GRIK1: variants seen among roughly 807,000 people sequenced by gnomAD.
GRIK1 encodes glutamate receptor ionotropic, kainate 1.
Under a neutral mutation model 105.7 loss-of-function variants are expected in GRIK1, and 69 were observed. That is an observed-to-expected ratio of 0.65 (90% confidence interval 0.54 to 0.80). GRIK1 has a LOEUF of 0.80. GRIK1 is among the 30% of genes least tolerant of loss of function. GRIK1 has a pLI of 0.00. For missense variants in GRIK1, 1,109 were observed against 1,167.3 expected, an observed-to-expected ratio of 0.95 and a Z score of 0.73; for synonymous variants, 438 against 431.3, an observed-to-expected ratio of 1.02 and a Z score of -0.19.
chr21:29,869,649 G>A (rs188490141), intron 1 of GRIK1, among the ~76,000 whole-genome samples: 34 of 152,226 alleles, frequency 2.2e-4, no homozygotes, highest in African/African-American at 3.6e-4. Flanking sequence ...GTATCCTAGC[G>A]TATAGCACTC....
chr21:29,711,086 T>C (rs541027448), intron 1 of GRIK1, among the ~76,000 whole-genome samples: 39 of 152,272 alleles, frequency 2.6e-4, no homozygotes, highest in Admixed American at 6.6e-4. Flanking sequence ...GCTTAAGCTA[T>C]TATATAGTTA....
At chr21:29,620,694 G>A (rs1163367033) in intron 7 of GRIK1, among the ~76,000 whole-genome samples, 3 of 148,842 alleles carry the variant, frequency 2.0e-5, no homozygotes, top group Non-Finnish European at 3.0e-5. Context: ...TTTGGGGAAA[G>A]ACACTGAAGT....
chr21:29,826,694 G>A (rs762694661), intron 1 of GRIK1, among the ~76,000 whole-genome samples: 27 of 151,836 alleles, frequency 1.8e-4, no homozygotes, highest in Non-Finnish European at 3.1e-4. Flanking sequence ...TAGTATGAAC[G>A]TATATAAATA....
chr21:29,680,649 A>G (rs1601437637), intron 3 of GRIK1, among the ~76,000 whole-genome samples: 1 of 152,212 alleles, frequency 6.6e-6, no homozygotes, highest in African/African-American at 2.4e-5. Context: ...TTTCAATTGC[A>G]TGCCCTTCTG....
At position 29,939,727 on chromosome 21, in the gene GRIK1, G is replaced by GCTC. The variant is rs1265620470; in HGVS notation, c.-230_-228dup. On this transcript the variant is annotated 5_prime_UTR_variant, in exon 1 of 18. Transcript: ENST00000327783. ...TCAGTGCTGTCGCTAGCCCATCACGGCTCCTCCTCCTCCTCTTCCATGGGC... is the reference window on the plus strand; with the variant it reads ...TCAGTGCTGTCGCTAGCCCATCACGGCTCCTCCTCCTCCTCCTCTTCCATGGGC... 4.8e-6 allele frequency: 2 copies of GCTC among 413,246 alleles called. No individual in the cohort carries two copies. The highest frequency in any genetic ancestry group is 8.7e-5 in the Admixed American group (2 of 22,872). The allele number at this position is 413,246 out of a possible 1,614,324, so 25.6% of individuals were successfully genotyped here.
chr21:29,872,573 T>C (rs1197362484), intron 1 of GRIK1, among the ~76,000 whole-genome samples: 1 of 152,186 alleles, frequency 6.6e-6, no homozygotes, highest in African/African-American at 2.4e-5. Context: ...ATTAGTCTGT[T>C]CTCACACTGC....
chr21:29,579,437 T>G (rs2090967327), intron 13 of GRIK1, among the ~76,000 whole-genome samples: 1 of 152,208 alleles, frequency 6.6e-6, no homozygotes, highest in Admixed American at 6.5e-5. Flanking sequence ...AGACAATACT[T>G]GCTGAAGTCT....
At chr21:29,655,359 G>T (rs912395104) in intron 4 of GRIK1, among the ~76,000 whole-genome samples, 1 of 151,832 alleles carries the variant, frequency 6.6e-6, no homozygotes. Flanking sequence ...AGTGAGCCCA[G>T]ACTGTACCAT....
intron 7 of GRIK1, among the ~76,000 whole-genome samples, chr21:29,602,310 T>C (rs990375817): frequency 6.6e-6 from 1 of 152,220 alleles, no homozygotes; most frequent in African/African-American, 2.4e-5. Flanking sequence ...ATGTAAAACA[T>C]ATTACTATCT....
intron 1 of GRIK1, among the ~76,000 whole-genome samples, chr21:29,902,997 T>C (rs1465527766): frequency 2.0e-5 from 3 of 152,008 alleles, no homozygotes; most frequent in African/African-American, 7.3e-5. Flanking sequence ...AACCATCTGA[T>C]CTTTGACAAA....
At chr21:29,569,138 CTGCAGAGAT>C (rs1397216744) in intron 14 of GRIK1, among the ~76,000 whole-genome samples, 2 of 152,188 alleles carry the variant, frequency 1.3e-5, no homozygotes, top group African/African-American at 4.8e-5. Flanking sequence ...AAGGCAGACA[CTGCAGAGAT>C]GACTGACAGT....
intron 7 of GRIK1, among the ~76,000 whole-genome samples, chr21:29,637,577 G>A (rs2062422814): frequency 6.6e-6 from 1 of 152,178 alleles, no homozygotes. Context: ...TATAAAAGAG[G>A]CCCTTGAGAG....
At chr21:29,767,892 GTGTGTGTGTGTA>G (rs1315761355) in intron 1 of GRIK1, among the ~76,000 whole-genome samples, 2 of 111,040 alleles carry the variant, frequency 1.8e-5, no homozygotes, top group African/African-American at 5.6e-5. Context: ...GTGTGTGTGT[GTGTGTGTGTGTA>G]TGTATTCCAT....
At position 29,695,476 on chromosome 21, in the gene GRIK1, C is replaced by CTATCTA. The variant is rs201600727; in HGVS notation, c.119-1414_119-1413insTAGATA. On this transcript the variant is annotated intron_variant, in intron 1 of 17. Coordinates refer to ENST00000327783, the MANE Select transcript of GRIK1 (RefSeq NM_001330994.2). ...TCTATCTATCTATCTATCTATCTAT[C>CTATCTA]TATATATATATATTTTGAGATGGAG... 8.6e-5 allele frequency among the ~76,000 whole-genome samples: 12 copies of CTATCTA among 140,024 alleles called. No individual in the cohort carries two copies. The East Asian group carries it at 9.2e-4, about 11-fold the overall frequency. 91.9% of individuals were successfully genotyped at this position (140,024 alleles called of 152,430 possible).
chr21:29,692,224 C>T (rs910003417), intron 2 of GRIK1, among the ~76,000 whole-genome samples: 1 of 152,212 alleles, frequency 6.6e-6, no homozygotes, highest in Non-Finnish European at 1.5e-5. Flanking sequence ...CTTCAGACCA[C>T]AGGAAAGCTT....
chr21:29,925,575 T>C (rs542297465), intron 1 of GRIK1, among the ~76,000 whole-genome samples: 5 of 152,316 alleles, frequency 3.3e-5, no homozygotes, highest in African/African-American at 9.6e-5. Flanking sequence ...AGCTCAAATG[T>C]TACTTTGCAA....
chr21:29,848,779 A>ATATATATATATATTTTTTTTTT, intron 1 of GRIK1, among the ~76,000 whole-genome samples: 1 of 77,866 alleles, frequency 1.3e-5, no homozygotes, highest in African/African-American at 5.8e-5. Flanking sequence ...ATATATATAT[A>ATATATATATATATTTTTTTTTT]TTTTTTTTTT....
intron 1 of GRIK1, among the ~76,000 whole-genome samples, chr21:29,817,082 A>T (rs2145912107): frequency 6.6e-6 from 1 of 152,240 alleles, no homozygotes; most frequent in South Asian, 2.1e-4. Flanking sequence ...CAATAAAAAA[A>T]TGATAATCTG....
chr21:29,846,660 A>T (rs2146026996), intron 1 of GRIK1, among the ~76,000 whole-genome samples: 1 of 152,114 alleles, frequency 6.6e-6, no homozygotes, highest in South Asian at 2.1e-4. Flanking sequence ...CAGTATTATG[A>T]CACATTTTGT....
Sources: gnomAD v4.1 joint callset for allele counts (sites outside exome capture counted in the v4.1 genomes callset) on GRCh38, gnomAD v4.1.1 for gene constraint, MANE v1.5 for transcripts, NCBI Gene and HGNC (gene_info 2026-07-23, HGNC 2026-07-21) for gene names.